The following IFT81 variants were observed in gnomAD, a reference collection of about 807,000 sequenced individuals.
The protein encoded by IFT81 is intraflagellar transport protein 81 homolog.
Under a neutral mutation model 102.6 loss-of-function variants are expected in IFT81, and 72 were observed. The observed-to-expected ratio is 0.70, with a 90% CI of 0.58 to 0.85. IFT81 has a LOEUF of 0.85. Ranked by LOEUF, IFT81 falls within the 40% of genes least tolerant of loss-of-function variation. The pLI is 0.00. For synonymous variants in IFT81, 237 were observed against 242.7 expected (o/e 0.98, Z 0.22); for missense variants, 723 against 787.3 (o/e 0.92, Z 0.98).
chr12:110,204,602 A>G (rs1304508441), intron 15 of IFT81: 5 of 153,118 alleles, frequency 3.3e-5, no homozygotes, highest in Admixed American at 2.6e-4. Context: ...GGGATTTTGC[A>G]TGTACTCTTC....
intron 10 of IFT81, among the ~76,000 whole-genome samples, chr12:110,161,593 A>C (rs1232059736): frequency 6.6e-6 from 1 of 151,828 alleles, no homozygotes; most frequent in African/African-American, 2.4e-5. Context: ...ACAGGTGTGC[A>C]TCACAACACT....
At chr12:110,210,509 TG>T (rs1050222447) in intron 18 of IFT81, among the ~76,000 whole-genome samples, 21 of 151,782 alleles carry the variant, frequency 1.4e-4, no homozygotes, top group African/African-American at 4.4e-4. Flanking sequence ...GAGGCTGAGG[TG>T]GGAGGATTGT....
chr12:110,164,798 T>C (rs1896345218), intron 11 of IFT81, among the ~76,000 whole-genome samples: 1 of 152,252 alleles, frequency 6.6e-6, no homozygotes, highest in Admixed American at 6.5e-5. Context: ...CAACAGTGTA[T>C]GCTTCATGAC....
chr12:110,141,156 C>T (rs953448281), intron 8 of IFT81, among the ~76,000 whole-genome samples: 1 of 152,102 alleles, frequency 6.6e-6, no homozygotes, highest in Non-Finnish European at 1.5e-5. Flanking sequence ...ATCTCTACAG[C>T]CTCCAGAGTA....
At chr12:110,163,593 A>C (rs900699493) in intron 11 of IFT81, among the ~76,000 whole-genome samples, 1 of 147,810 alleles carries the variant, frequency 6.8e-6, no homozygotes, top group Non-Finnish European at 1.5e-5. Context: ...ATTTTACGAG[A>C]TATTATGTTC....
chr12:110,139,847 T>TAAATA (rs752620264), intron 8 of IFT81, among the ~76,000 whole-genome samples: 17 of 118,872 alleles, frequency 1.4e-4, no homozygotes, highest in South Asian at 2.5e-4. Context: ...TAAAATAAAA[T>TAAATA]AAATAAAATA....
Position 110,142,308 on chromosome 12 carries a change from C to T in IFT81, c.782-1074C>T, listed in dbSNP as rs1894939342. Among the ~76,000 whole-genome samples the T allele has an allele frequency of 2.6e-5, 4 of 152,096 alleles. No individual in the cohort carries two copies. The South Asian group carries it at 8.3e-4, about 31-fold the overall frequency. On this transcript the variant is annotated intron_variant, in intron 8 of 18. Transcript: ENST00000242591. ...TCAGCCTCCCAAGTAGCTGAGACTA[C>T]AGGCATGTGCCACCATGCCCGGCTA... is the stretch of plus-strand genomic sequence containing the variant.
intron 8 of IFT81, among the ~76,000 whole-genome samples, chr12:110,137,976 A>G (rs1192585364): frequency 6.6e-6 from 1 of 152,230 alleles, no homozygotes; most frequent in East Asian, 1.9e-4. Context: ...AACTGTCCTA[A>G]CAGCCCAGAT....
At chr12:110,132,439 G>A (rs1743109143) in intron 4 of IFT81, 108 bp from the exon 5 acceptor site, 1 of 466,470 alleles carries the variant, frequency 2.1e-6, no homozygotes, top group Non-Finnish European at 3.7e-6. Flanking sequence ...CAGGCTGGGC[G>A]ACAGAGCAAG....
At chr12:110,187,482 C>A in intron 12 of IFT81, among the ~76,000 whole-genome samples, 1 of 152,294 alleles carries the variant, frequency 6.6e-6, no homozygotes, top group South Asian at 2.1e-4. Flanking sequence ...CCAGGCTGGT[C>A]TTGAACTCCT....
intron 18 of IFT81, among the ~76,000 whole-genome samples, chr12:110,211,341 G>A (rs529376403): frequency 6.6e-6 from 1 of 152,184 alleles, no homozygotes; most frequent in East Asian, 1.9e-4. Flanking sequence ...GGAGGTGGAG[G>A]CAGGAGCTAG....
At chr12:110,162,031 G>A (rs949073884) in intron 10 of IFT81, among the ~76,000 whole-genome samples, 3 of 152,132 alleles carry the variant, frequency 2.0e-5, no homozygotes, top group African/African-American at 7.2e-5. Context: ...GTAGCCATTT[G>A]CATTTTGTAA....
intron 14 of IFT81, 199 bp from the exon 15 acceptor site, chr12:110,203,665 A>G (rs1898420780): frequency 5.1e-6 from 3 of 588,928 alleles, no homozygotes; most frequent in Non-Finnish European, 6.2e-6. Flanking sequence ...CACACAGCTC[A>G]ATACATGGTA....
intron 18 of IFT81, among the ~76,000 whole-genome samples, chr12:110,214,494 T>C (rs1869840774): frequency 6.6e-6 from 1 of 152,106 alleles, no homozygotes; most frequent in African/African-American, 2.4e-5. Context: ...AAACTGGACA[T>C]CCATAGACCT....
At chr12:110,133,748 T>C (rs1288591165) in intron 5 of IFT81, among the ~76,000 whole-genome samples, 1 of 152,240 alleles carries the variant, frequency 6.6e-6, no homozygotes, top group Non-Finnish European at 1.5e-5. Flanking sequence ...AATGTTGTAA[T>C]CCGCCTCTTT....
intron 11 of IFT81, among the ~76,000 whole-genome samples, chr12:110,164,993 C>T (rs745674766): frequency 6.6e-6 from 1 of 151,908 alleles, no homozygotes; most frequent in Non-Finnish European, 1.5e-5. Flanking sequence ...TTAGATGTTC[C>T]CTCTATGCAA....
chr12:110,171,553 G>A (rs927859083), intron 11 of IFT81, among the ~76,000 whole-genome samples: 4 of 152,150 alleles, frequency 2.6e-5, no homozygotes, highest in Non-Finnish European at 5.9e-5. Flanking sequence ...TTGACTTGGT[G>A]AGATTTTCTA....
At chr12:110,173,690 T>A (rs1235929513) in intron 11 of IFT81, among the ~76,000 whole-genome samples, 1 of 152,210 alleles carries the variant, frequency 6.6e-6, no homozygotes, top group Non-Finnish European at 1.5e-5. Flanking sequence ...CTCTGAAACA[T>A]GTGCTGTGTC....
intron 1 of IFT81, among the ~76,000 whole-genome samples, chr12:110,126,674 G>A (rs1393232505): frequency 3.9e-5 from 6 of 152,200 alleles, no homozygotes; most frequent in Admixed American, 6.5e-5. Context: ...AGTTTGAGCT[G>A]TATTTTGTGC....
Sources: gnomAD v4.1 joint callset for allele counts (sites outside exome capture counted in the v4.1 genomes callset) on GRCh38, gnomAD v4.1.1 for gene constraint, MANE v1.5 for transcripts, NCBI Gene and HGNC (gene_info 2026-07-23, HGNC 2026-07-21) for gene names.